The following CARF variants were observed in gnomAD, a reference collection of about 807,000 sequenced individuals.
CARF encodes the protein calcium responsive transcription factor.
In CARF, 57 loss-of-function variants were observed where a neutral mutation model predicts 82.0. The observed-to-expected ratio is 0.70, with a 90% CI of 0.56 to 0.87. CARF has a LOEUF of 0.87. CARF is among the 40% of genes least tolerant of loss of function. CARF has a pLI of 0.00. For missense variants in CARF, 771 were observed against 855.8 expected, an observed-to-expected ratio of 0.90 and a Z score of 1.24; for synonymous variants, 268 against 290.1, an observed-to-expected ratio of 0.92 and a Z score of 0.77.
Position 202,912,405 on chromosome 2 carries a change from C to A in CARF, c.-1027C>A, listed in dbSNP as rs1309799533. ...CGCCTTGTGGGGCTATCGGCGGCGG[C>A]AGGACTGGGGGAGTCAGAGGTCTGG... is the stretch of plus-strand genomic sequence containing the variant. On this transcript the variant is annotated 5_prime_UTR_variant, in exon 1 of 17. Transcript: ENST00000438828. 1 of 150,974 alleles carries A rather than the reference C, an allele frequency of 6.6e-6. No homozygotes were observed. The highest frequency in any genetic ancestry group is 1.5e-5 in the Non-Finnish European group (1 of 67,706). The allele number at this position is 150,974 out of a possible 1,614,324, so 9.4% of individuals were successfully genotyped here.
intron 9 of CARF, chr2:202,961,638 CTTCT>C (rs2059326003): frequency 1.8e-6 from 1 of 549,248 alleles, no homozygotes; most frequent in Non-Finnish European, 3.2e-6. Context: ...ATAAATAAGA[CTTCT>C]TTCATATATT....
intron 5 of CARF, among the ~76,000 whole-genome samples, chr2:202,950,588 T>C (rs943355250): frequency 1.3e-5 from 2 of 152,212 alleles, no homozygotes; most frequent in Non-Finnish European, 2.9e-5. Context: ...TGTCAAATAT[T>C]GGGAGCTAGT....
At chr2:202,947,701 T>G (rs181428336) in intron 5 of CARF, among the ~76,000 whole-genome samples, 5 of 152,270 alleles carry the variant, frequency 3.3e-5, no homozygotes, top group African/African-American at 1.2e-4. Context: ...TTCAATGGTG[T>G]TGTTTTTCTT....
At chr2:202,926,358 G>GT (rs1691826065) in intron 3 of CARF, among the ~76,000 whole-genome samples, 1 of 152,098 alleles carries the variant, frequency 6.6e-6, no homozygotes, top group Non-Finnish European at 1.5e-5. Flanking sequence ...TAGTTCAATT[G>GT]TTTTTTCAAA....
chr2:202,961,134 T>C, intron 8 of CARF, 103 bp from the exon 9 acceptor site: 1 of 885,916 alleles, frequency 1.1e-6, no homozygotes, highest in Non-Finnish European at 1.7e-6. Flanking sequence ...GACATTCTCT[T>C]GTGAAAGGTG....
intron 1 of CARF, among the ~76,000 whole-genome samples, chr2:202,915,792 A>G (rs7603972): frequency 0.089 from 13,502 of 151,488 alleles, 740 homozygotes; most frequent in Non-Finnish European, 0.12. Context: ...TTTTTTAAGT[A>G]GAGACAGGGT....
rs2060420511 is a variant in CARF at position 202,986,139 on chromosome 2, G to A, written c.*2515G>A. The stretch of plus-strand genomic sequence containing the variant: ...AAACTGGAGCTATCAATATTTTCAT[G>A]TAAGTATTTCAAGGAGTAGCTCTTT... On this transcript the variant is annotated 3_prime_UTR_variant, in exon 17 of 17. Coordinates refer to ENST00000438828, the MANE Select transcript of CARF (RefSeq NM_024744.17). 6.6e-6 allele frequency: 1 copy of A among 152,058 alleles called. No individual in the cohort carries two copies. Among genetic ancestry groups the A allele is most frequent in the Non-Finnish European group, 1.5e-5 (1 of 67,958 alleles). 9.4% of individuals were successfully genotyped at this position (152,058 alleles called of 1,614,324 possible).
chr2:202,927,980 T>C (rs573536896), intron 3 of CARF, among the ~76,000 whole-genome samples: 56 of 152,208 alleles, frequency 3.7e-4, no homozygotes, highest in South Asian at 3.1e-3. Flanking sequence ...TTAATTACTA[T>C]ATTTGGTAGA....
chr2:202,926,353 C>T (rs1574496377), intron 3 of CARF, among the ~76,000 whole-genome samples: 1 of 152,160 alleles, frequency 6.6e-6, no homozygotes, highest in African/African-American at 2.4e-5. Flanking sequence ...AAACCTAGTT[C>T]AATTGTTTTT....
Position 202,985,030 on chromosome 2 carries a change from T to C in CARF, c.*1406T>C, listed in dbSNP as rs2060388343. 1 of 149,784 alleles carries C rather than the reference T, an allele frequency of 6.7e-6. No individual in the cohort carries two copies. Among genetic ancestry groups the C allele is most frequent in the African/African-American group, 2.5e-5 (1 of 40,472 alleles). 9.3% of individuals were successfully genotyped at this position (149,784 alleles called of 1,614,324 possible). A position where few individuals can be genotyped will look rare whatever the true frequency, so the allele number is the denominator to read the frequency against. On this transcript the variant is annotated 3_prime_UTR_variant, in exon 17 of 17. Transcript: ENST00000438828. The stretch of plus-strand genomic sequence containing the variant: ...GAGATCGCGCCATTGCACTCCAGCC[T>C]GGGTGACAAGAGAAAAACTCCATCT...
intron 2 of CARF, among the ~76,000 whole-genome samples, chr2:202,918,363 C>CA (rs1216745250): frequency 1.5e-4 from 22 of 151,524 alleles, no homozygotes; most frequent in Non-Finnish European, 2.7e-4. Context: ...TACTAAAATA[C>CA]AAAAAAAATT....
chr2:202,930,130 C>T (rs929076719), intron 3 of CARF, among the ~76,000 whole-genome samples: 1 of 152,160 alleles, frequency 6.6e-6, no homozygotes, highest in Non-Finnish European at 1.5e-5. Flanking sequence ...TCACTCCAAC[C>T]TCTGCCTCCT....
chr2:202,958,211 T>A (rs1223756890), intron 8 of CARF, among the ~76,000 whole-genome samples: 1 of 151,142 alleles, frequency 6.6e-6, no homozygotes, highest in Non-Finnish European at 1.5e-5. Flanking sequence ...TTATTGTTGT[T>A]GCTTTTCTAA....
intron 1 of CARF, among the ~76,000 whole-genome samples, chr2:202,917,194 G>A (rs1178940395): frequency 9.4e-6 from 1 of 106,070 alleles, no homozygotes; most frequent in African/African-American, 3.6e-5. Flanking sequence ...CTGGGCGACA[G>A]AGCGAGACTC....
At chr2:202,968,805 C>T (rs1429505773) in intron 10 of CARF, among the ~76,000 whole-genome samples, 1 of 152,092 alleles carries the variant, frequency 6.6e-6, no homozygotes, top group African/African-American at 2.4e-5. Context: ...TAGTAGACAA[C>T]ATGATAGTAT....
intron 5 of CARF, among the ~76,000 whole-genome samples, chr2:202,951,824 T>G (rs2058765966): frequency 6.6e-6 from 1 of 151,736 alleles, no homozygotes. Flanking sequence ...AATTAGACAT[T>G]TATCAAGTTA....
intron 2 of CARF, among the ~76,000 whole-genome samples, chr2:202,918,902 T>G (rs894295395): frequency 6.6e-6 from 1 of 152,224 alleles, no homozygotes; most frequent in Non-Finnish European, 1.5e-5. Context: ...AACCCATAGA[T>G]TTTCATTTCC....
intron 3 of CARF, among the ~76,000 whole-genome samples, chr2:202,940,593 A>C (rs536287761): frequency 8.5e-5 from 13 of 152,052 alleles, no homozygotes; most frequent in Non-Finnish European, 1.6e-4. Context: ...TTTTTCTCCA[A>C]ATAGTAGCTG....
intron 3 of CARF, chr2:202,925,161 C>T: frequency 3.1e-6 from 1 of 323,228 alleles, no homozygotes. Flanking sequence ...CAGTGGAGGA[C>T]TATCAAAAGT....
Sources: gnomAD v4.1 joint callset for allele counts (sites outside exome capture counted in the v4.1 genomes callset) on GRCh38, gnomAD v4.1.1 for gene constraint, MANE v1.5 for transcripts, NCBI Gene and HGNC (gene_info 2026-07-23, HGNC 2026-07-21) for gene names.